The following HECTD4 variants were observed in gnomAD, a reference collection of about 807,000 sequenced individuals.
HECTD4 encodes probable E3 ubiquitin-protein ligase HECTD4.
In HECTD4, 114 loss-of-function variants were observed where a neutral mutation model predicts 471.5. The observed-to-expected ratio is 0.24, with a 90% CI of 0.21 to 0.28. HECTD4 has a LOEUF of 0.28. Among genes scored for constraint, HECTD4 ranks in the 10% least tolerant of loss-of-function variants. The probability of loss-of-function intolerance (pLI) is 1.00; values close to 1 mark genes in which losing one functional copy is unlikely to be tolerated. For synonymous variants in HECTD4, 2,012 were observed against 2,256.0 expected (o/e 0.89, Z 3.07); for missense variants, 3,866 against 5,651.5 (o/e 0.68, Z 10.13).
At chr12:112,316,814 TC>T (rs2035489183) in intron 2 of HECTD4, among the ~76,000 whole-genome samples, 1 of 150,466 alleles carries the variant, frequency 6.6e-6, no homozygotes. Context: ...ACTTCTGAAG[TC>T]CAGAACATGA....
Position 112,381,973 on chromosome 12 carries a change from C to T in HECTD4, c.156G>A (p.Glu52=). ...ELPSEILGAP[E]AADTDLEILT... Reference sequence around the variant, plus strand: ...TCACCTCCAGGTCGGTGTCCGCGGCCTCTGGGGCCCCGAGGATCTCGCTGG... The same window carrying T: ...TCACCTCCAGGTCGGTGTCCGCGGCTTCTGGGGCCCCGAGGATCTCGCTGG... Residue 52 remains glutamate, a synonymous_variant, in exon 1 of 76, where the codon GAG becomes GAA. Transcript: ENST00000682272. The surrounding 1 kb of genome is among the most constrained non-coding windows in gnomAD (Gnocchi z 4.1). The T allele has an allele frequency of 8.2e-7, 1 of 1,224,548 alleles. No homozygotes were observed. Among genetic ancestry groups the T allele is most frequent in the Non-Finnish European group, 1.0e-6 (1 of 983,258 alleles). 75.9% of individuals were successfully genotyped at this position (1,224,548 alleles called of 1,614,324 possible). A position where few individuals can be genotyped will look rare whatever the true frequency, so the allele number is the denominator to read the frequency against.
In HECTD4 at chr12:112,270,636, T is replaced by A. The variant is rs547766307; in HGVS notation, c.1943-177A>T. ...GCCACAGGTGCTGGGGTGAAAACAC[T>A]TGGGGAGTTCATTTGTTTGGAACAT... On this transcript the variant is annotated intron_variant, in intron 11 of 75. Transcript: ENST00000682272. Among the ~76,000 whole-genome samples the A allele has an allele frequency of 2.6e-5, 4 of 152,310 alleles. No homozygotes were observed. In the East Asian group the frequency reaches 7.7e-4, roughly 29 times the overall value.
At chr12:112,313,249 A>G (rs2035406357) in intron 3 of HECTD4, 102 bp from the exon 4 acceptor site, 1 of 729,738 alleles carries the variant, frequency 1.4e-6, no homozygotes, top group Non-Finnish European at 2.1e-6. Flanking sequence ...TTTTAAAACT[A>G]AGATGTATAA....
At chr12:112,374,347 G>A (rs1177897701) in intron 1 of HECTD4, among the ~76,000 whole-genome samples, 1 of 152,254 alleles carries the variant, frequency 6.6e-6, no homozygotes. Flanking sequence ...TTAAAAAAAG[G>A]TATGGAATTT....
At chr12:112,242,345 GCT>G (rs1312552548) in intron 32 of HECTD4, among the ~76,000 whole-genome samples, 1 of 151,990 alleles carries the variant, frequency 6.6e-6, no homozygotes, top group East Asian at 1.9e-4. Context: ...AGGTGTGGTG[GCT>G]CATGCCTTTA....
At chr12:112,252,205 A>G (rs934508163) in intron 23 of HECTD4, among the ~76,000 whole-genome samples, 2 of 152,192 alleles carry the variant, frequency 1.3e-5, no homozygotes, top group Non-Finnish European at 2.9e-5. Flanking sequence ...GCTCCAATCA[A>G]TAGATTTATT....
intron 1 of HECTD4, among the ~76,000 whole-genome samples, chr12:112,332,540 C>CA (rs58503491): frequency 0.24 from 15,253 of 62,328 alleles, 2,029 homozygotes; most frequent in African/African-American, 0.44. Flanking sequence ...GACTCTGTCT[C>CA]AAAAAAAAAA....
At chr12:112,200,523 A>C in intron 55 of HECTD4, 115 bp downstream of exon 55, 1 of 1,118,632 alleles carries the variant, frequency 8.9e-7, no homozygotes, top group South Asian at 1.8e-5. Context: ...GCCTTCTCTA[A>C]GTGTTAGCTT....
chr12:112,226,650 A>G lies in HECTD4; in HGVS notation c.6963T>C (p.Cys2321=), dbSNP rs1285184107. 7 of 1,606,138 alleles carry G rather than the reference A, an allele frequency of 4.4e-6. No individual in the cohort carries two copies. The African/African-American group carries it at 6.7e-5, about 15-fold the overall frequency. Residue 2321 remains cysteine, a synonymous_variant, in exon 44 of 76, where the codon TGT becomes TGC. Transcript: ENST00000682272. Reference sequence around the variant, plus strand: ...GCAAGTTCAGGTACTCACCAGCACTACATTCCTGGGCTACTAGGTTAAGAA... The same window carrying G: ...GCAAGTTCAGGTACTCACCAGCACTGCATTCCTGGGCTACTAGGTTAAGAA... ...VEVLNLVAQE[C]SAGERLAVVE... is the part of the protein sequence containing the mutation.
chr12:112,307,432 A>C (rs2035289472), intron 6 of HECTD4, among the ~76,000 whole-genome samples: 1 of 152,210 alleles, frequency 6.6e-6, no homozygotes, highest in African/African-American at 2.4e-5. Context: ...ACAGTGTCAA[A>C]GTTTCTGCAA....
chr12:112,208,323 G>A (rs904367646), intron 51 of HECTD4, among the ~76,000 whole-genome samples, 171 bp downstream of exon 51: 3 of 152,204 alleles, frequency 2.0e-5, no homozygotes, highest in East Asian at 3.8e-4. Context: ...ATTGATAGGG[G>A]TTTAGAAAAA....
Position 112,184,896 on chromosome 12 carries a change from G to A in HECTD4, c.10070C>T (p.Ala3357Val). ...GCGGAGGATGATGAGCAGGGTGAGT[G>A]CGCGGTGGAACCACAGCATGTCCTC... ...KPEDMLWFHR[A>V]LTLLIILRHL... The change falls in exon 61 of 76, where the codon GCA becomes GTA. Residue 3357 changes from alanine (A) to valine (V), a missense_variant. Coordinates refer to ENST00000682272, the MANE Select transcript of HECTD4 (RefSeq NM_001388303.1). This position sits in a 1 kb window ranked among gnomAD's most constrained non-coding sequence, Gnocchi z 9.1. The A allele has an allele frequency of 6.2e-7, 1 of 1,612,956 alleles. No homozygotes were observed. The highest frequency in any genetic ancestry group is 8.5e-7 in the Non-Finnish European group (1 of 1,179,288).
Position 112,314,523 on chromosome 12 carries a change from T to A in HECTD4, c.719A>T (p.His240Leu). ...CTGTTTCTGTAATAGATGGACTGTG[T>A]GGACGAAAGTTTTCAATGATCCCCT... ...CARGSLKTFV[H>L]TVHLLQKQTD... Residue 240 changes from histidine to leucine, a missense_variant, in exon 3 of 76, where the codon CAC (histidine) becomes CTC (leucine). This residue lies in a region of HECTD4 where 440 missense variants were observed against 636.0 expected (regional missense o/e 0.69). Transcript: ENST00000682272. The A allele has an allele frequency of 3.3e-6, 5 of 1,527,334 alleles. No homozygotes were observed. Among genetic ancestry groups the A allele is most frequent in the Non-Finnish European group, 4.4e-6 (5 of 1,138,976 alleles). The allele number at this position is 1,527,334 out of a possible 1,614,324, so 94.6% of individuals were successfully genotyped here. A position where few individuals can be genotyped will look rare whatever the true frequency, so the allele number is the denominator to read the frequency against.
At chr12:112,246,738 A>C (rs1230739456) in intron 29 of HECTD4, among the ~76,000 whole-genome samples, 163 bp downstream of exon 29, 1 of 152,240 alleles carries the variant, frequency 6.6e-6, no homozygotes, top group Non-Finnish European at 1.5e-5. Context: ...CTTTGTACAG[A>C]AAGTATAAGG....
At chr12:112,352,295 T>A (rs1212477187) in intron 1 of HECTD4, among the ~76,000 whole-genome samples, 2 of 151,862 alleles carry the variant, frequency 1.3e-5, no homozygotes, top group African/African-American at 4.8e-5. Context: ...GTTGGTCTCA[T>A]CCCAGTCTGG....
At chr12:112,269,576 C>T (rs2034370728) in intron 13 of HECTD4, 128 bp downstream of exon 13, 2 of 995,414 alleles carry the variant, frequency 2.0e-6, no homozygotes, top group African/African-American at 3.3e-5. Flanking sequence ...AAATTATCCC[C>T]AATCCATGAG....
Position 112,234,330 on chromosome 12 carries a change from T to A in HECTD4, c.5915+747A>T, listed in dbSNP as rs1049138619. Among the ~76,000 whole-genome samples the A allele has an allele frequency of 1.4e-4, 21 of 152,232 alleles. No homozygotes were observed. In the South Asian group the frequency reaches 1.9e-3, roughly 14 times the overall value. The stretch of plus-strand genomic sequence containing the variant: ...GGAATGTTTCTTGGAGATTTCCTCA[T>A]ATAAGCCCTGACCTGCCATAATCCC... On this transcript the variant is annotated intron_variant, in intron 37 of 75. Coordinates refer to ENST00000682272, the MANE Select transcript of HECTD4 (RefSeq NM_001388303.1).
intron 1 of HECTD4, among the ~76,000 whole-genome samples, chr12:112,360,055 G>A (rs1414382480): frequency 6.6e-6 from 1 of 152,214 alleles, no homozygotes; most frequent in Non-Finnish European, 1.5e-5. Flanking sequence ...TGGACAAGAA[G>A]TTACAATGAT....
intron 64 of HECTD4, 111 bp downstream of exon 64, chr12:112,178,820 G>T: frequency 8.1e-7 from 1 of 1,237,844 alleles, no homozygotes; most frequent in Non-Finnish European, 1.1e-6. Context: ...TGACAAAAAA[G>T]GCCTGACACC....
Sources: allele counts gnomAD v4.1 joint callset (sites outside exome capture counted in the v4.1 genomes callset), GRCh38; gene constraint gnomAD v4.1.1; regional missense constraint gnomAD v4.1.1; non-coding constraint Gnocchi (gnomAD v3.1); transcripts MANE v1.5; gene names NCBI Gene and HGNC (gene_info 2026-07-23, HGNC 2026-07-21).